RAPGEF6: variants seen among roughly 807,000 people sequenced by gnomAD.
The protein encoded by RAPGEF6 is Rap guanine nucleotide exchange factor 6, also known as PDZ domain containing guanine nucleotide exchange factor (GEF) 2.
RAPGEF6 carries 56 observed loss-of-function variants against 171.4 expected under a neutral mutation model. That is an observed-to-expected ratio of 0.33 (90% CI 0.26 to 0.41). The LOEUF is 0.41. RAPGEF6 is among the 10% of genes least tolerant of loss of function. The pLI, the probability that RAPGEF6 is intolerant of heterozygous loss-of-function variation, is 1.00. For synonymous variants in RAPGEF6, 692 were observed against 650.1 expected, an observed-to-expected ratio of 1.06 and a Z score of -0.98; for missense variants, 1,674 against 1,921.4, an observed-to-expected ratio of 0.87 and a Z score of 2.41.
chr5:131,498,783 C>T (rs983908762), intron 11 of RAPGEF6, among the ~76,000 whole-genome samples, 176 bp from the exon 12 acceptor site: 1 of 152,148 alleles, frequency 6.6e-6, no homozygotes, highest in African/African-American at 2.4e-5. Context: ...TGTAATCCAC[C>T]AGCACCCAGA....
intron 19 of RAPGEF6, among the ~76,000 whole-genome samples, chr5:131,460,550 G>C (rs996986763): frequency 6.6e-6 from 1 of 152,108 alleles, no homozygotes; most frequent in African/African-American, 2.4e-5. Context: ...GTGTTTATCA[G>C]TGGCATCTTT....
chr5:131,486,606 A>T (rs1294995978), intron 15 of RAPGEF6, among the ~76,000 whole-genome samples: 3 of 151,052 alleles, frequency 2.0e-5, no homozygotes. Flanking sequence ...AGTATGGGAG[A>T]TTTTTCTCAA....
intron 6 of RAPGEF6, among the ~76,000 whole-genome samples, chr5:131,532,532 T>A (rs1243267601): frequency 6.6e-6 from 1 of 152,174 alleles, no homozygotes; most frequent in Non-Finnish European, 1.5e-5. Context: ...GTGAAACCTT[T>A]CCTCTCTGTA....
intron 4 of RAPGEF6, among the ~76,000 whole-genome samples, chr5:131,585,903 G>GTCC (rs1346275303): frequency 1.3e-5 from 2 of 152,156 alleles, no homozygotes; most frequent in African/African-American, 4.8e-5. Context: ...GTTTCAAGTA[G>GTCC]TCCTGCCTTT....
At chr5:131,483,736 T>C (rs1307826090) in intron 15 of RAPGEF6, among the ~76,000 whole-genome samples, 1 of 152,094 alleles carries the variant, frequency 6.6e-6, no homozygotes, top group African/African-American at 2.4e-5. Context: ...AAGATACTAT[T>C]TTAATTTATA....
Position 131,604,522 on chromosome 5 carries a change from C to T in RAPGEF6, c.140+101G>A. ...TAATCTATAATGCATATACCAAGGGCTTAAAACAATAAGGAATATAAAGGT... is the reference window on the plus strand; with the variant it reads ...TAATCTATAATGCATATACCAAGGGTTTAAAACAATAAGGAATATAAAGGT... On this transcript the variant is annotated intron_variant, in intron 2 of 27. Transcript: ENST00000509018. 2.2e-6 allele frequency: 3 copies of T among 1,334,434 alleles called. No homozygotes were observed. The East Asian group carries it at 7.6e-5, about 34-fold the overall frequency. 82.7% of individuals were successfully genotyped at this position (1,334,434 alleles called of 1,614,324 possible). A position where few individuals can be genotyped will look rare whatever the true frequency, so the allele number is the denominator to read the frequency against.
At chr5:131,551,054 C>T (rs983188185) in intron 5 of RAPGEF6, among the ~76,000 whole-genome samples, 2 of 152,006 alleles carry the variant, frequency 1.3e-5, no homozygotes, top group African/African-American at 4.8e-5. Context: ...TTAAATTTTC[C>T]CTTTTGCCTC....
chr5:131,487,184 T>C (rs1755958005), intron 15 of RAPGEF6, among the ~76,000 whole-genome samples: 2 of 152,216 alleles, frequency 1.3e-5, no homozygotes, highest in Admixed American at 6.5e-5. Flanking sequence ...GGTGGGTTCA[T>C]GGTCTTGCTG....
chr5:131,627,141 T>A (rs1016362896), intron 1 of RAPGEF6, among the ~76,000 whole-genome samples: 1 of 152,152 alleles, frequency 6.6e-6, no homozygotes, highest in Admixed American at 6.5e-5. Context: ...ATAATACAAA[T>A]TCCTAGAGAC....
At chr5:131,532,161 G>T (rs1348972949) in intron 6 of RAPGEF6, 1 of 451,692 alleles carries the variant, frequency 2.2e-6, no homozygotes, top group Non-Finnish European at 4.4e-6. Context: ...CCATTTCCTA[G>T]GCTGGAAAGG....
At chr5:131,570,958 T>C (rs1055069961) in intron 4 of RAPGEF6, among the ~76,000 whole-genome samples, 4 of 151,218 alleles carry the variant, frequency 2.6e-5, no homozygotes, top group Admixed American at 6.6e-5. Context: ...TTTTTTTTTT[T>C]TTTTGAGAGG....
intron 15 of RAPGEF6, among the ~76,000 whole-genome samples, chr5:131,481,176 C>T (rs1168006334): frequency 6.6e-6 from 1 of 151,862 alleles, no homozygotes; most frequent in African/African-American, 2.4e-5. Context: ...CCACCTGCCT[C>T]GGCCTCCCAA....
intron 4 of RAPGEF6, among the ~76,000 whole-genome samples, chr5:131,578,762 T>C (rs1048184736): frequency 1.3e-5 from 2 of 152,210 alleles, no homozygotes; most frequent in African/African-American, 4.8e-5. Flanking sequence ...AACTTCGCAT[T>C]ACTGATAAGC....
chr5:131,471,395 G>T (rs762977347), intron 17 of RAPGEF6, among the ~76,000 whole-genome samples: 17 of 152,158 alleles, frequency 1.1e-4, no homozygotes, highest in Non-Finnish European at 2.1e-4. Context: ...TTTTATTTAA[G>T]TTGCTATAAT....
chr5:131,571,702 T>C (rs570618499), intron 4 of RAPGEF6, among the ~76,000 whole-genome samples: 1 of 152,306 alleles, frequency 6.6e-6, no homozygotes, highest in South Asian at 2.1e-4. Context: ...TTTTTGTTTT[T>C]AATTAACAAA....
At chr5:131,528,334 T>A (rs1278520436) in intron 6 of RAPGEF6, among the ~76,000 whole-genome samples, 4 of 37,986 alleles carry the variant, frequency 1.1e-4, no homozygotes, top group Non-Finnish European at 3.0e-4. Context: ...TATATATATA[T>A]ATATACACAC....
At chr5:131,461,053 A>C (rs988082316) in intron 19 of RAPGEF6, among the ~76,000 whole-genome samples, 3 of 152,246 alleles carry the variant, frequency 2.0e-5, no homozygotes, top group African/African-American at 7.2e-5. Flanking sequence ...AATAAAGATC[A>C]GAAAATAAAT....
At chr5:131,435,589 C>A (rs1366886401) in intron 24 of RAPGEF6, among the ~76,000 whole-genome samples, 1 of 152,156 alleles carries the variant, frequency 6.6e-6, no homozygotes, top group African/African-American at 2.4e-5. Context: ...GGGTGGGACA[C>A]AGTAATTGCA....
intron 9 of RAPGEF6, among the ~76,000 whole-genome samples, chr5:131,505,793 C>T (rs1757335638): frequency 6.6e-6 from 1 of 152,156 alleles, no homozygotes; most frequent in East Asian, 1.9e-4. Flanking sequence ...AGAGCACAAA[C>T]TCTTGGAATA....
Sources: allele counts gnomAD v4.1 joint callset (sites outside exome capture counted in the v4.1 genomes callset), GRCh38; gene constraint gnomAD v4.1.1; transcripts MANE v1.5; gene names NCBI Gene and HGNC (gene_info 2026-07-23, HGNC 2026-07-21).